Variants in PEAK1 observed in about 807,000 individuals in gnomAD.
The protein encoded by PEAK1 is pseudopodium enriched atypical kinase 1.
PEAK1 carries 54 observed loss-of-function variants against 124.7 expected under a neutral mutation model. The ratio of observed to expected loss-of-function variants is 0.43; its 90% CI spans 0.35 to 0.54. PEAK1 has a LOEUF of 0.54. Ranked by LOEUF, PEAK1 falls within the 20% of genes least tolerant of loss-of-function variation. PEAK1 has a pLI of 0.01. For synonymous variants in PEAK1, 719 were observed against 760.0 expected, an observed-to-expected ratio of 0.95 and a Z score of 0.89; for missense variants, 2,046 against 2,134.5, an observed-to-expected ratio of 0.96 and a Z score of 0.82.
intron 6 of PEAK1, among the ~76,000 whole-genome samples, chr15:77,244,082 G>C (rs991434703): frequency 2.0e-5 from 3 of 151,946 alleles, no homozygotes; most frequent in African/African-American, 7.2e-5. Context: ...ACTCCTTTAT[G>C]AAAAAAATTA....
chr15:77,334,979 C>T, intron 2 of PEAK1: 1 of 985,376 alleles, frequency 1.0e-6, no homozygotes, highest in Non-Finnish European at 1.2e-6. Context: ...GTTGAGCTAT[C>T]CAGCAATCTG....
intron 6 of PEAK1, among the ~76,000 whole-genome samples, chr15:77,248,918 G>A (rs2060717354): frequency 6.6e-6 from 1 of 152,130 alleles, no homozygotes; most frequent in African/African-American, 2.4e-5. Flanking sequence ...TCTGCCTCCT[G>A]GTTCAAGTGA....
rs2050818646 is a variant in PEAK1 at position 77,108,738 on chromosome 15, T to G, written c.*5418A>C. On this transcript the variant is annotated 3_prime_UTR_variant, in exon 10 of 10. Transcript: ENST00000682557. Reference sequence around the variant, plus strand: ...GTAGCAAAATATATGACTCTGTACTTCTGCTAGGTTAAAAAATGTCCGACC... The same window carrying G: ...GTAGCAAAATATATGACTCTGTACTGCTGCTAGGTTAAAAAATGTCCGACC... 6.6e-6 allele frequency: 1 copy of G among 152,230 alleles called. No individual in the cohort carries two copies. Among genetic ancestry groups the G allele is most frequent in the Admixed American group, 6.5e-5 (1 of 15,286 alleles). The allele number at this position is 152,230 out of a possible 1,614,324, so 9.4% of individuals were successfully genotyped here.
Position 77,114,324 on chromosome 15 carries a change from G to A in PEAK1, c.5073C>T (p.Leu1691=). The change falls in exon 10 of 10, where the codon CTC becomes CTT. Residue 1691 remains leucine, a synonymous_variant. Transcript: ENST00000682557. Reference sequence around the variant, plus strand: ...TTCGCTTGATGTCTAGCCAGTTTTGGAGCAGGGTGTTCCTCTGTACTAGGC... The same window carrying A: ...TTCGCTTGATGTCTAGCCAGTTTTGAAGCAGGGTGTTCCTCTGTACTAGGC... ...CPSLVQRNTL[L]QNWLDIKRTL... is the part of the protein sequence containing the mutation. 3 of 1,614,202 alleles carry A rather than the reference G, an allele frequency of 1.9e-6. No homozygotes were observed. Among genetic ancestry groups the A allele is most frequent in the Non-Finnish European group, 2.5e-6 (3 of 1,180,028 alleles).
Position 77,154,315 on chromosome 15 carries a change from T to A in PEAK1, c.3331+4188A>T, listed in dbSNP as rs1361252749. On this transcript the variant is annotated intron_variant, in intron 8 of 9. Coordinates refer to ENST00000682557, the MANE Select transcript of PEAK1 (RefSeq NM_001385026.1). Reference sequence around the variant, plus strand: ...AGAGACTAGGATTGCAACCCCTGCCTTTTTTTGTTTTCCATTTGCTTGGTA... The same window carrying A: ...AGAGACTAGGATTGCAACCCCTGCCATTTTTTGTTTTCCATTTGCTTGGTA... 2.6e-5 allele frequency among the ~76,000 whole-genome samples: 4 copies of A among 152,282 alleles called. No individual in the cohort carries two copies. In the East Asian group the frequency reaches 7.7e-4, roughly 29 times the overall value.
intron 2 of PEAK1, among the ~76,000 whole-genome samples, chr15:77,364,246 T>C (rs1267297933): frequency 6.6e-6 from 1 of 152,138 alleles, no homozygotes; most frequent in African/African-American, 2.4e-5. Flanking sequence ...GTGGTGATGG[T>C]TGCACATCTC....
At chr15:77,121,891 T>C (rs1230641034) in intron 9 of PEAK1, among the ~76,000 whole-genome samples, 8 of 152,164 alleles carry the variant, frequency 5.3e-5, no homozygotes, top group Admixed American at 5.2e-4. Context: ...ACACCATCTG[T>C]GCCATTTTGT....
At chr15:77,208,665 T>C (rs1425788693) in intron 6 of PEAK1, among the ~76,000 whole-genome samples, 1 of 152,080 alleles carries the variant, frequency 6.6e-6, no homozygotes, top group Non-Finnish European at 1.5e-5. Context: ...GTAAAAAAGC[T>C]AGGAAAATGA....
chr15:77,158,356 T>C (rs933705580), intron 8 of PEAK1, 147 bp downstream of exon 8: 1 of 716,954 alleles, frequency 1.4e-6, no homozygotes, highest in Non-Finnish European at 2.3e-6. Context: ...CAGAACGTTT[T>C]TCTGATGTGA....
rs1025510159 is a variant in PEAK1 at position 77,110,403 on chromosome 15, A to G, written c.*3753T>C. 6.6e-6 allele frequency: 1 copy of G among 152,190 alleles called. No homozygotes were observed. The highest frequency in any genetic ancestry group is 6.5e-5 in the Admixed American group (1 of 15,268). 9.4% of individuals were successfully genotyped at this position (152,190 alleles called of 1,614,324 possible). A position where few individuals can be genotyped will look rare whatever the true frequency, so the allele number is the denominator to read the frequency against. On this transcript the variant is annotated 3_prime_UTR_variant, in exon 10 of 10. Transcript: ENST00000682557. Reference sequence around the variant, plus strand: ...CCACTGCGCCTGGCCTGGGAACTTCATACTACTAGAAACTTTTAAGATATA... The same window carrying G: ...CCACTGCGCCTGGCCTGGGAACTTCGTACTACTAGAAACTTTTAAGATATA...
intron 1 of PEAK1, among the ~76,000 whole-genome samples, chr15:77,379,895 C>G (rs1193726670): frequency 6.6e-6 from 1 of 152,126 alleles, no homozygotes; most frequent in Non-Finnish European, 1.5e-5. Context: ...TGCTGGTTTT[C>G]AATACTTAAT....
At chr15:77,404,637 C>T in intron 1 of PEAK1, 1 of 946,508 alleles carries the variant, frequency 1.1e-6, no homozygotes, top group Non-Finnish European at 1.3e-6. Flanking sequence ...AAGATATACC[C>T]AAGAGATTTG....
At chr15:77,327,468 C>T (rs952930622) in intron 2 of PEAK1, among the ~76,000 whole-genome samples, 1 of 151,976 alleles carries the variant, frequency 6.6e-6, no homozygotes, top group Admixed American at 6.6e-5. Flanking sequence ...ATTTCTTTAA[C>T]ACTCATATTT....
At chr15:77,402,497 G>A in intron 1 of PEAK1, 1 of 968,730 alleles carries the variant, frequency 1.0e-6, no homozygotes. Flanking sequence ...AATATTACAT[G>A]TTAAAATTAT....
At chr15:77,406,108 TA>T (rs2071794342) in intron 1 of PEAK1, among the ~76,000 whole-genome samples, 1 of 152,132 alleles carries the variant, frequency 6.6e-6, no homozygotes, top group African/African-American at 2.4e-5. Context: ...ACTCTTAGAT[TA>T]TAATACATTC....
intron 2 of PEAK1, 106 bp from the exon 3 acceptor site, chr15:77,286,610 A>G (rs1485477198): frequency 2.0e-6 from 1 of 498,356 alleles, no homozygotes; most frequent in Admixed American, 4.4e-5. Context: ...TCAAACTCTT[A>G]CTTATTCTAT....
chr15:77,102,619 A>G (rs2050705364), exon 7 of PEAK1: 1 of 152,228 alleles, frequency 6.6e-6, no homozygotes, highest in Non-Finnish European at 1.5e-5. Flanking sequence ...AACCAATTGT[A>G]CCAGCACATT....
At chr15:77,389,521 A>G (rs962841774) in intron 1 of PEAK1, among the ~76,000 whole-genome samples, 1 of 152,214 alleles carries the variant, frequency 6.6e-6, no homozygotes, top group East Asian at 1.9e-4. Flanking sequence ...AGCTGGGATG[A>G]TAACTTGTGG....
intron 2 of PEAK1, among the ~76,000 whole-genome samples, chr15:77,311,697 AAAAAAAAAAG>A (rs1368755359): frequency 6.6e-6 from 1 of 151,304 alleles, no homozygotes; most frequent in Admixed American, 6.6e-5. Context: ...AAAAAAAAAA[AAAAAAAAAAG>A]AAAAAGAAAA....
Sources: allele counts gnomAD v4.1 joint callset (sites outside exome capture counted in the v4.1 genomes callset), GRCh38; gene constraint gnomAD v4.1.1; transcripts MANE v1.5; gene names NCBI Gene and HGNC (gene_info 2026-07-23, HGNC 2026-07-21).